Variants in CYB561 observed in about 807,000 individuals in gnomAD.
CYB561 encodes the protein cytochrome b561.
In CYB561, 11 loss-of-function variants were observed where a neutral mutation model predicts 25.3. The observed-to-expected ratio is 0.44, with a 90% confidence interval of 0.27 to 0.72. CYB561 has a LOEUF of 0.72. CYB561 is among the 30% of genes least tolerant of loss of function. The pLI, the probability that CYB561 is intolerant of heterozygous loss-of-function variation, is 0.18. For missense variants in CYB561, 295 were observed against 334.9 expected, an observed-to-expected ratio of 0.88 and a Z score of 0.93; for synonymous variants, 165 against 158.8, an observed-to-expected ratio of 1.04 and a Z score of -0.29.
Position 63,432,808 on chromosome 17 carries a change from C to G in CYB561, c.*1594G>C, listed in dbSNP as rs1040670637. On this transcript the variant is annotated 3_prime_UTR_variant, in exon 6 of 6. Transcript: ENST00000360793. ...CCTGAGGCAGGAGACACAGCAAAAGCCAACTATGGGAAATCTGAGCATTAG... is the reference window on the plus strand; with the variant it reads ...CCTGAGGCAGGAGACACAGCAAAAGGCAACTATGGGAAATCTGAGCATTAG... The G allele has an allele frequency of 3.3e-5, 5 of 152,286 alleles. No homozygotes were observed. The highest frequency in any genetic ancestry group is 3.3e-4 in the Admixed American group (5 of 15,278). 9.4% of individuals were successfully genotyped at this position (152,286 alleles called of 1,614,324 possible). A position where few individuals can be genotyped will look rare whatever the true frequency, so the allele number is the denominator to read the frequency against.
In CYB561 at chr17:63,435,384, T is replaced by A. The variant is rs1168722272; in HGVS notation, c.406-141A>T. 1.1e-5 allele frequency: 10 copies of A among 889,338 alleles called. No homozygotes were observed. The East Asian group carries it at 1.8e-4, about 16-fold the overall frequency. The allele number at this position is 889,338 out of a possible 1,614,324, so 55.1% of individuals were successfully genotyped here. The stretch of plus-strand genomic sequence containing the variant: ...CTGGTTTCCTTCCTCCTCAGCACAG[T>A]GGTGGGAGGAGCACTAAGCGCTTAG... On this transcript the variant is annotated intron_variant, in intron 4 of 5. Coordinates refer to ENST00000360793, the MANE Select transcript of CYB561 (RefSeq NM_001915.4).
At position 63,434,524 on chromosome 17, in the gene CYB561, C is replaced by T. The variant is rs200396277; in HGVS notation, c.634G>A (p.Gly212Ser). 1.2e-4 allele frequency: 200 copies of T among 1,613,508 alleles called. 2 individuals are homozygous for T. In the East Asian group the frequency reaches 1.5e-3, roughly 12 times the overall value. Residue 212 changes from glycine (G) to serine (S), a missense_variant, in exon 6 of 6, where the codon GGT becomes AGT. Transcript: ENST00000360793. Reference sequence around the variant, plus strand: ...GTCAAGATGTAGAGCACCGCCCCACCGAAGCAGGCCAGCAGCAGGCCCAGC... The same window carrying T: ...GTCAAGATGTAGAGCACCGCCCCACTGAAGCAGGCCAGCAGCAGGCCCAGC... Reference protein sequence around the residue: ...NVLGLLLACFGGAVLYILTRA... With the variant: ...NVLGLLLACFSGAVLYILTRA...
At position 63,436,159 on chromosome 17, in the gene CYB561, G is replaced by C; in HGVS notation, c.203-7C>G. On this transcript the variant is annotated splice_region_variant and splice_polypyrimidine_tract_variant and intron_variant, in intron 2 of 5. Coordinates refer to ENST00000360793, the MANE Select transcript of CYB561 (RefSeq NM_001915.4). This position sits in a 1 kb window ranked among gnomAD's most constrained non-coding sequence, Gnocchi z 4.8. The stretch of plus-strand genomic sequence containing the variant: ...ACACGGTAAACCAGCAGGGCTGTGG[G>C]AGGTGAGAGAGGGAACGTGAGTGCA... 6.2e-7 allele frequency: 1 copy of C among 1,613,574 alleles called. No homozygotes were observed. The highest frequency in any genetic ancestry group is 8.5e-7 in the Non-Finnish European group (1 of 1,179,576).
At position 63,434,077 on chromosome 17, in the gene CYB561, GGGTGGGGCCTCCTCTCTC is replaced by G; in HGVS notation, c.*307_*324del. 3.4e-6 allele frequency: 1 copy of G among 296,372 alleles called. No individual in the cohort carries two copies. 18.4% of individuals were successfully genotyped at this position (296,372 alleles called of 1,614,324 possible). On this transcript the variant is annotated 3_prime_UTR_variant, in exon 6 of 6. Transcript: ENST00000360793. Reference sequence around the variant, plus strand: ...TTGCCCCAGGCATCTGCTGCCAGGAGGGTGGGGCCTCCTCTCTCGCTTCTTTAAAGATCTGTGCTCTGC... The same window carrying G: ...TTGCCCCAGGCATCTGCTGCCAGGAGGCTTCTTTAAAGATCTGTGCTCTGC...
intron 1 of CYB561, among the ~76,000 whole-genome samples, chr17:63,445,687 G>A (rs1028429590): frequency 6.6e-6 from 1 of 152,202 alleles, no homozygotes; most frequent in Non-Finnish European, 1.5e-5. Context: ...ACCCACCACA[G>A]GGCCACCGAG....
chr17:63,438,388 A>C, intron 1 of CYB561: 4 of 570,194 alleles, frequency 7.0e-6, no homozygotes, highest in East Asian at 3.2e-5. Flanking sequence ...CTGGTTTTTA[A>C]CTCCATGCTG....
intron 1 of CYB561, among the ~76,000 whole-genome samples, chr17:63,441,178 C>T (rs775792739): frequency 2.6e-4 from 39 of 152,240 alleles, no homozygotes; most frequent in Non-Finnish European, 4.7e-4. Context: ...CCGGCCTGGC[C>T]TCCCGGGGAG....
At position 63,438,085 on chromosome 17, in the gene CYB561, G is replaced by A. The variant is rs1313622948; in HGVS notation, c.-13-525C>T. The A allele has an allele frequency of 3.3e-6, 5 of 1,534,134 alleles. No homozygotes were observed. In the African/African-American group the frequency reaches 6.9e-5, roughly 21 times the overall value. Reference sequence around the variant, plus strand: ...GTCTCAAGTCTCGGGAGTGGCTGGGGGGAGGGGCCCAGCCTCCCCACGGGG... The same window carrying A: ...GTCTCAAGTCTCGGGAGTGGCTGGGAGGAGGGGCCCAGCCTCCCCACGGGG... On this transcript the variant is annotated intron_variant, in intron 1 of 5. Coordinates refer to ENST00000360793, the MANE Select transcript of CYB561 (RefSeq NM_001915.4).
rs1288740476 is a variant in CYB561, at chr17:63,436,352, G to A, written c.203-200C>T. Among the ~76,000 whole-genome samples, 1 of 152,068 alleles carries A rather than the reference G, an allele frequency of 6.6e-6. No homozygotes were observed. The highest frequency in any genetic ancestry group is 2.1e-4 in the South Asian group (1 of 4,830). The stretch of plus-strand genomic sequence containing the variant: ...CTGGCCTTCTCTGAGGGCACCTAGG[G>A]CTGTGTGCACCTTAACACCCCTCCC... On this transcript the variant is annotated intron_variant, in intron 2 of 5. Coordinates refer to ENST00000360793, the MANE Select transcript of CYB561 (RefSeq NM_001915.4). The surrounding 1 kb of genome is among the most constrained non-coding windows in gnomAD (Gnocchi z 4.8).
chr17:63,444,677 C>T (rs1413442628), intron 1 of CYB561, among the ~76,000 whole-genome samples: 1 of 152,180 alleles, frequency 6.6e-6, no homozygotes, highest in Non-Finnish European at 1.5e-5. Context: ...GGATGGTCTG[C>T]TTTTAATCTG....
chr17:63,435,771 A>C lies in CYB561; in HGVS notation c.322T>G (p.Tyr108Asp). Residue 108 changes from tyrosine (Y) to aspartate (D), a missense_variant, in exon 4 of 6, where the codon TAC becomes GAC. Coordinates refer to ENST00000360793, the MANE Select transcript of CYB561 (RefSeq NM_001915.4). ...ALVGLVAVFD[Y>D]HRKKGYADLY... ...TCAGCGTAGCCCTTCTTCCTGTGGT[A>C]GTCGAACACCGCCACCAAGCCTGGG... 6.2e-7 allele frequency: 1 copy of C among 1,614,206 alleles called. No homozygotes were observed. The highest frequency in any genetic ancestry group is 8.5e-7 in the Non-Finnish European group (1 of 1,180,014).
intron 1 of CYB561, chr17:63,438,147 T>C: frequency 1.3e-6 from 2 of 1,535,272 alleles, no homozygotes; most frequent in Non-Finnish European, 8.7e-7. Flanking sequence ...AGGAGTTCCA[T>C]ATGCGGTGAG....
chr17:63,441,190 C>T (rs542363959), intron 1 of CYB561, among the ~76,000 whole-genome samples: 5 of 152,324 alleles, frequency 3.3e-5, no homozygotes, highest in South Asian at 2.1e-4. Flanking sequence ...CCCGGGGAGT[C>T]GGAACCATAA....
At chr17:63,441,822 G>A (rs780022975) in intron 1 of CYB561, among the ~76,000 whole-genome samples, 2 of 152,238 alleles carry the variant, frequency 1.3e-5, no homozygotes, top group Non-Finnish European at 2.9e-5. Flanking sequence ...AAGCTCCCGG[G>A]CGGTGCCCCC....
In CYB561 at chr17:63,434,435, C is replaced by T. The variant is rs1438699481; in HGVS notation, c.723G>A (p.Thr241=). 1.9e-6 allele frequency: 3 copies of T among 1,591,314 alleles called. No homozygotes were observed. The highest frequency in any genetic ancestry group is 2.3e-5 in the East Asian group (1 of 43,600). The change falls in exon 6 of 6, where the codon ACG becomes ACA. Residue 241 remains threonine, a synonymous_variant. Transcript: ENST00000360793. The stretch of plus-strand genomic sequence containing the variant: ...AGCCGGGGCTATCTCCCTCCGTCAG[C>T]GTCTTGAAGTCCATGGAGAGGGCCT... The part of the protein sequence containing the change: ...EEQALSMDFK[T]LTEGDSPGSQ
In CYB561 at chr17:63,434,353, G is replaced by A. The variant is rs1226293582; in HGVS notation, c.*49C>T. 1 of 1,476,812 alleles carries A rather than the reference G, an allele frequency of 6.8e-7. No individual in the cohort carries two copies. Among genetic ancestry groups the A allele is most frequent in the South Asian group, 1.3e-5 (1 of 75,292 alleles). The allele number at this position is 1,476,812 out of a possible 1,614,324, so 91.5% of individuals were successfully genotyped here. A position where few individuals can be genotyped will look rare whatever the true frequency, so the allele number is the denominator to read the frequency against. ...CTGCAGTCCTGAAGACGCCTCAGCA[G>A]GGGCAGGCAAGAAGACACCCCGCGA... On this transcript the variant is annotated 3_prime_UTR_variant, in exon 6 of 6. Coordinates refer to ENST00000360793, the MANE Select transcript of CYB561 (RefSeq NM_001915.4).
intron 5 of CYB561, 139 bp from the exon 6 acceptor site, chr17:63,434,733 C>T (rs2049275097): frequency 1.4e-6 from 1 of 723,146 alleles, no homozygotes; most frequent in African/African-American, 1.8e-5. Context: ...AGAGAACAAC[C>T]ATCCCCCCGC....
intron 1 of CYB561, chr17:63,438,282 C>T (rs2049336666): frequency 5.0e-6 from 7 of 1,400,400 alleles, no homozygotes; most frequent in Non-Finnish European, 6.8e-6. Flanking sequence ...CAGGCAAGCG[C>T]GCTCCTTGAC....
Position 63,438,009 on chromosome 17 carries a change from G to A in CYB561, c.-13-449C>T, listed in dbSNP as rs760162018. On this transcript the variant is annotated intron_variant, in intron 1 of 5. Coordinates refer to ENST00000360793, the MANE Select transcript of CYB561 (RefSeq NM_001915.4). Reference sequence around the variant, plus strand: ...CCCCGAGGCTCCCGCTGGAAGCAGCGCTCGCTCTCCTACCCGCAAGCCCCT... The same window carrying A: ...CCCCGAGGCTCCCGCTGGAAGCAGCACTCGCTCTCCTACCCGCAAGCCCCT... The A allele has an allele frequency of 1.1e-5, 10 of 931,310 alleles. 1 individual carries two copies. In the East Asian group the frequency reaches 2.2e-4, roughly 21 times the overall value. 57.7% of individuals were successfully genotyped at this position (931,310 alleles called of 1,614,324 possible).
Sources: allele counts gnomAD v4.1 joint callset (sites outside exome capture counted in the v4.1 genomes callset), GRCh38; gene constraint gnomAD v4.1.1; non-coding constraint Gnocchi (gnomAD v3.1); transcripts MANE v1.5; gene names NCBI Gene and HGNC (gene_info 2026-07-23, HGNC 2026-07-21).